CA10: variants seen among roughly 807,000 people sequenced by gnomAD.
CA10 encodes the protein carbonic anhydrase 10 (inactive).
Under a neutral mutation model 44.2 loss-of-function variants are expected in CA10, and 14 were observed. The observed-to-expected ratio is 0.32, with a 90% CI of 0.21 to 0.50. CA10 has a LOEUF of 0.50. Among genes scored for constraint, CA10 ranks in the 20% least tolerant of loss-of-function variants. The pLI, the probability that CA10 is intolerant of heterozygous loss-of-function variation, is 0.99. For missense variants in CA10, 350 were observed against 409.7 expected (o/e 0.85, Z 1.26); for synonymous variants, 159 against 141.6 (o/e 1.12, Z -0.87).
At chr17:51,637,058 G>A (rs985838808) in intron 6 of CA10, among the ~76,000 whole-genome samples, 2 of 152,056 alleles carry the variant, frequency 1.3e-5, no homozygotes, top group Admixed American at 6.6e-5. Flanking sequence ...TGATAAAATT[G>A]TGTGTATTGG....
intron 1 of CA10, among the ~76,000 whole-genome samples, chr17:52,127,179 CAT>C (rs1477073513): frequency 6.6e-6 from 1 of 152,120 alleles, no homozygotes; most frequent in Non-Finnish European, 1.5e-5. Context: ...TAATCACAAA[CAT>C]ATATATGGAT....
intron 3 of CA10, among the ~76,000 whole-genome samples, chr17:51,854,041 T>C (rs1978926329): frequency 6.6e-6 from 1 of 152,246 alleles, no homozygotes; most frequent in Non-Finnish European, 1.5e-5. Context: ...ACTCAGTCTC[T>C]GCACCTGCTC....
chr17:51,947,606 A>G (rs1163839503), intron 2 of CA10, among the ~76,000 whole-genome samples: 1 of 152,182 alleles, frequency 6.6e-6, no homozygotes, highest in Non-Finnish European at 1.5e-5. Context: ...GTGAAACTAC[A>G]CATGCAAAGT....
At chr17:51,844,989 A>G (rs1426651738) in intron 3 of CA10, among the ~76,000 whole-genome samples, 1 of 152,210 alleles carries the variant, frequency 6.6e-6, no homozygotes, top group Non-Finnish European at 1.5e-5. Context: ...ATACACCGAC[A>G]GAAGACAGCC....
At chr17:51,683,137 G>C (rs1229760900) in intron 4 of CA10, among the ~76,000 whole-genome samples, 1 of 152,178 alleles carries the variant, frequency 6.6e-6, no homozygotes, top group African/African-American at 2.4e-5. Context: ...AAGTAGCTTT[G>C]CCTGACCCTT....
intron 3 of CA10, chr17:51,762,970 T>A (rs9906077): frequency 5.9e-5 from 9 of 151,912 alleles, no homozygotes; most frequent in Admixed American, 2.0e-4. Flanking sequence ...GTGATGTGCA[T>A]CCCCACCTCC....
At chr17:51,966,874 TAAATA>T (rs1337287176) in intron 2 of CA10, among the ~76,000 whole-genome samples, 3 of 151,682 alleles carry the variant, frequency 2.0e-5, no homozygotes, top group African/African-American at 7.3e-5. Flanking sequence ...AGGACCTAAT[TAAATA>T]AAAGAGCTTC....
At chr17:52,137,558 C>G (rs924704) in intron 1 of CA10, among the ~76,000 whole-genome samples, 17,508 of 152,170 alleles carry the variant, frequency 0.12, 1,255 homozygotes, top group East Asian at 0.4. Context: ...AGCCTGGTAT[C>G]TATGAACTTC....
At chr17:51,849,247 A>ATG (rs1445317574) in intron 3 of CA10, among the ~76,000 whole-genome samples, 1 of 131,246 alleles carries the variant, frequency 7.6e-6, no homozygotes, top group East Asian at 2.1e-4. Context: ...ATATATATAT[A>ATG]TATATATATA....
intron 1 of CA10, among the ~76,000 whole-genome samples, chr17:52,135,953 G>T (rs1393621636): frequency 6.6e-6 from 1 of 152,116 alleles, no homozygotes; most frequent in Non-Finnish European, 1.5e-5. Flanking sequence ...CTTTATATCA[G>T]GTCCCCTCTT....
chr17:52,099,612 T>G (rs910569765), intron 1 of CA10, among the ~76,000 whole-genome samples: 1 of 152,148 alleles, frequency 6.6e-6, no homozygotes, highest in Non-Finnish European at 1.5e-5. Flanking sequence ...CATCCACATG[T>G]TGGTGGCAAG....
chr17:51,865,962 G>A (rs552443010), intron 3 of CA10, among the ~76,000 whole-genome samples: 4 of 152,318 alleles, frequency 2.6e-5, no homozygotes, highest in African/African-American at 9.6e-5. Context: ...GCTGAACAGG[G>A]CAGATATAAA....
chr17:51,933,849 A>G (rs1982757744), intron 2 of CA10, among the ~76,000 whole-genome samples: 1 of 152,188 alleles, frequency 6.6e-6, no homozygotes, highest in Non-Finnish European at 1.5e-5. Flanking sequence ...TTATGTGGCA[A>G]CATGGGTGGG....
At chr17:51,984,958 C>T (rs958288570) in intron 2 of CA10, among the ~76,000 whole-genome samples, 1 of 151,910 alleles carries the variant, frequency 6.6e-6, no homozygotes. Flanking sequence ...TGGTACCAAT[C>T]CTTCTGACAC....
At chr17:51,872,667 C>T (rs1979871556) in intron 3 of CA10, among the ~76,000 whole-genome samples, 1 of 152,206 alleles carries the variant, frequency 6.6e-6, no homozygotes, top group Non-Finnish European at 1.5e-5. Context: ...GGAGCTGGCT[C>T]ATACTAGCTT....
intron 4 of CA10, among the ~76,000 whole-genome samples, chr17:51,715,982 G>A (rs781619939): frequency 2.0e-5 from 3 of 152,064 alleles, no homozygotes; most frequent in Admixed American, 2.0e-4. Flanking sequence ...AAGCCACCGT[G>A]CCCGGCCCTC....
intron 4 of CA10, among the ~76,000 whole-genome samples, chr17:51,663,449 C>T (rs1437591371): frequency 6.6e-6 from 1 of 152,188 alleles, no homozygotes; most frequent in Non-Finnish European, 1.5e-5. Flanking sequence ...ATTTCTTCCC[C>T]ATGCTCCTGC....
intron 3 of CA10, among the ~76,000 whole-genome samples, chr17:51,830,122 G>A (rs879372576): frequency 1.1e-4 from 16 of 150,836 alleles, no homozygotes; most frequent in Non-Finnish European, 2.1e-4. Flanking sequence ...GCTTGAACCC[G>A]GGAGGCAGAG....
At chr17:51,936,490 G>C (rs1353048330) in intron 2 of CA10, among the ~76,000 whole-genome samples, 1 of 123,484 alleles carries the variant, frequency 8.1e-6, no homozygotes, top group Non-Finnish European at 1.8e-5. Context: ...CAGGAGAAAG[G>C]ATGTCCAAGG....
Sources: allele counts gnomAD v4.1 joint callset (sites outside exome capture counted in the v4.1 genomes callset), GRCh38; gene constraint gnomAD v4.1.1; transcripts MANE v1.5; gene names NCBI Gene and HGNC (gene_info 2026-07-23, HGNC 2026-07-21).